ZZEF1: variants seen among roughly 807,000 people sequenced by gnomAD.
ZZEF1 encodes the protein zinc finger ZZ-type and EF-hand domain-containing protein 1.
A neutral mutation model predicts 342.8 loss-of-function variants in ZZEF1; 157 were observed. That is an observed-to-expected ratio of 0.46 (90% CI 0.40 to 0.52). The LOEUF is 0.52. Ranked by LOEUF, ZZEF1 falls within the 20% of genes least tolerant of loss-of-function variation. ZZEF1 has a pLI of 0.00. For synonymous variants in ZZEF1, 1,505 were observed against 1,429.1 expected (o/e 1.05, Z -1.20); for missense variants, 3,480 against 3,725.6 (o/e 0.93, Z 1.72).
chr17:4,037,372 C>G (rs1433790719), intron 39 of ZZEF1, among the ~76,000 whole-genome samples: 1 of 152,176 alleles, frequency 6.6e-6, no homozygotes, highest in East Asian at 1.9e-4. Flanking sequence ...AGCATCTCAT[C>G]TGTGATTTTC....
In ZZEF1 at chr17:4,093,471, G is replaced by C. The variant is rs1323576387; in HGVS notation, c.1913+2360C>G. ...CCATCAACGGTATTGTAGAGAGGCT[G>C]ACCGAACCTTTGCCAGGAATGCTGC... On this transcript the variant is annotated intron_variant, in intron 11 of 54. Transcript: ENST00000381638. 5.3e-5 allele frequency among the ~76,000 whole-genome samples: 8 copies of C among 152,328 alleles called. No individual in the cohort carries two copies. In the East Asian group the frequency reaches 1.5e-3, roughly 29 times the overall value.
chr17:4,024,091 G>A (rs1200066233), intron 43 of ZZEF1, among the ~76,000 whole-genome samples: 1 of 146,774 alleles, frequency 6.8e-6, no homozygotes, highest in East Asian at 2.1e-4. Flanking sequence ...GCTGACATAT[G>A]TTTCCTTGAA....
At chr17:4,079,943 C>T (rs1332218887) in intron 18 of ZZEF1, among the ~76,000 whole-genome samples, 1 of 152,356 alleles carries the variant, frequency 6.6e-6, no homozygotes, top group East Asian at 1.9e-4. Context: ...CATTAGATAC[C>T]TCAAAGATGT....
chr17:4,102,245 T>G (rs1459562600), intron 9 of ZZEF1, 72 bp downstream of exon 9: 1 of 1,361,438 alleles, frequency 7.3e-7, no homozygotes, highest in Non-Finnish European at 1.0e-6. Context: ...CATTTCAAAG[T>G]CTGGAGTGTG....
chr17:4,081,359 A>G lies in ZZEF1; in HGVS notation c.2829+17T>C. On this transcript the variant is annotated intron_variant, in intron 18 of 54. Transcript: ENST00000381638. The stretch of plus-strand genomic sequence containing the variant: ...CAAGCATGAGACAAAGAAAACAGGG[A>G]GGCAGCCACTGGATACCTCTCGAGC... 1 of 1,605,694 alleles carries G rather than the reference A, an allele frequency of 6.2e-7. No homozygotes were observed.
chr17:4,038,225 T>C (rs1442935236), intron 39 of ZZEF1, among the ~76,000 whole-genome samples: 1 of 152,196 alleles, frequency 6.6e-6, no homozygotes, highest in African/African-American at 2.4e-5. Context: ...GTACAAACAT[T>C]GCAGAAACTG....
At chr17:4,133,193 C>T (rs2058696989) in intron 1 of ZZEF1, among the ~76,000 whole-genome samples, 1 of 152,180 alleles carries the variant, frequency 6.6e-6, no homozygotes, top group Admixed American at 6.5e-5. Flanking sequence ...GACTTGGAAA[C>T]TATGAATCAA....
intron 16 of ZZEF1, among the ~76,000 whole-genome samples, chr17:4,084,026 A>G (rs1468350860): frequency 6.6e-6 from 1 of 152,186 alleles, no homozygotes; most frequent in Non-Finnish European, 1.5e-5. Context: ...ATTATTTTTA[A>G]CACTTCTTTC....
At chr17:4,099,213 GT>G (rs1597890058) in intron 9 of ZZEF1, among the ~76,000 whole-genome samples, 1 of 151,902 alleles carries the variant, frequency 6.6e-6, no homozygotes, top group African/African-American at 2.4e-5. Flanking sequence ...AGCTCACGTG[GT>G]TTTTTTCATT....
At chr17:4,033,135 T>C in intron 40 of ZZEF1, 133 bp from the exon 41 acceptor site, 1 of 838,708 alleles carries the variant, frequency 1.2e-6, no homozygotes, top group Non-Finnish European at 1.8e-6. Flanking sequence ...ACTACCAGAA[T>C]AATGCTTTTC....
At chr17:4,030,239 GA>G (rs1006838132) in intron 42 of ZZEF1, among the ~76,000 whole-genome samples, 3 of 152,020 alleles carry the variant, frequency 2.0e-5, no homozygotes, top group Admixed American at 6.6e-5. Flanking sequence ...AACAAAAAGA[GA>G]AGACATAAAT....
intron 16 of ZZEF1, among the ~76,000 whole-genome samples, chr17:4,083,393 C>G (rs1280360924): frequency 6.6e-6 from 1 of 152,210 alleles, no homozygotes; most frequent in East Asian, 1.9e-4. Context: ...TCAGCTGATG[C>G]TGTCAAAGGT....
intron 25 of ZZEF1, chr17:4,071,220 G>A (rs7218702): frequency 0.07 from 20,763 of 298,450 alleles, 918 homozygotes; most frequent in Admixed American, 0.12. Context: ...GTAGGTTAAA[G>A]TAATTAAGAA....
chr17:4,010,149 C>A (rs2055907986), intron 52 of ZZEF1, among the ~76,000 whole-genome samples: 3 of 151,726 alleles, frequency 2.0e-5, no homozygotes, highest in Admixed American at 1.3e-4. Flanking sequence ...TAAAGCGAGA[C>A]CCTGTCTCTA....
chr17:4,122,179 T>C (rs2058493912), intron 2 of ZZEF1, among the ~76,000 whole-genome samples: 1 of 152,132 alleles, frequency 6.6e-6, no homozygotes, highest in Admixed American at 6.5e-5. Context: ...CTAAGTATTA[T>C]GACACCAAGT....
intron 29 of ZZEF1, 137 bp downstream of exon 29, chr17:4,064,224 C>G: frequency 1.4e-6 from 1 of 718,560 alleles, no homozygotes; most frequent in Admixed American, 3.0e-5. Flanking sequence ...CAAAACTTTT[C>G]TTGAATATTC....
chr17:4,077,577 A>G (rs2057647007), intron 19 of ZZEF1, among the ~76,000 whole-genome samples: 7 of 152,240 alleles, frequency 4.6e-5, no homozygotes. Flanking sequence ...AAACAGGGAT[A>G]GACTCTCCTG....
At position 4,072,588 on chromosome 17, in the gene ZZEF1, G is replaced by A; in HGVS notation, c.3834+20C>T. On this transcript the variant is annotated intron_variant, in intron 25 of 54. Coordinates refer to ENST00000381638, the MANE Select transcript of ZZEF1 (RefSeq NM_015113.4). ...AGGCAGTTTCCAGTCTAAATAGAAA[G>A]AAAACGGAAGAGTAAATACCTCCTT... 1.3e-6 allele frequency: 2 copies of A among 1,586,054 alleles called. No homozygotes were observed. Among genetic ancestry groups the A allele is most frequent in the Non-Finnish European group, 1.7e-6 (2 of 1,165,480 alleles).
rs1229270306 is a variant in ZZEF1, at chr17:4,090,747, A to G, written c.1997T>C (p.Val666Ala). The G allele has an allele frequency of 6.2e-7, 1 of 1,614,138 alleles. No homozygotes were observed. Reference protein sequence around the residue: ...ELEEEWDEADVKLQQCRVAKY... With the variant: ...ELEEEWDEADAKLQQCRVAKY... ...GGCAACTCTGCACTGTTGCAGCTTC[A>G]CATCTGCTTCATCCCATTCTTCTTC... Residue 666 changes from valine to alanine, a missense_variant, in exon 12 of 55, where the codon GTG (valine) becomes GCG (alanine). By Grantham distance (64) the Val-to-Ala change is moderately conservative (BLOSUM62 0). This residue lies in a region of ZZEF1 where 1,528 missense variants were observed against 1,624.1 expected (regional missense o/e 0.94). Transcript: ENST00000381638.
Sources: gnomAD v4.1 joint callset for allele counts (sites outside exome capture counted in the v4.1 genomes callset) on GRCh38, gnomAD v4.1.1 for gene constraint, gnomAD v4.1.1 regional missense constraint, MANE v1.5 for transcripts, NCBI Gene and HGNC (gene_info 2026-07-23, HGNC 2026-07-21) for gene names.